The following LUZP2 variants were observed in gnomAD, a reference collection of about 807,000 sequenced individuals.
LUZP2 encodes leucine zipper protein 2.
In LUZP2, 52 loss-of-function variants were observed where a neutral mutation model predicts 51.6. That is an observed-to-expected ratio of 1.01 (90% CI 0.81 to 1.27). The LOEUF (loss-of-function observed/expected upper bound fraction) is 1.27, where lower values mean the gene tolerates loss of function less well. Among genes scored for constraint, LUZP2 ranks in the 50% most tolerant of loss-of-function variants. The pLI is 0.00. For missense variants in LUZP2, 436 were observed against 395.4 expected (o/e 1.10, Z -0.87); for synonymous variants, 154 against 137.3 (o/e 1.12, Z -0.85).
At chr11:24,561,527 A>G (rs1354079648) in intron 1 of LUZP2, among the ~76,000 whole-genome samples, 1 of 152,150 alleles carries the variant, frequency 6.6e-6, no homozygotes, top group Non-Finnish European at 1.5e-5. Context: ...ACATGGATAA[A>G]GCTGGAAACC....
At chr11:24,687,931 C>G (rs1012060736) in intron 1 of LUZP2, among the ~76,000 whole-genome samples, 1 of 152,098 alleles carries the variant, frequency 6.6e-6, no homozygotes, top group Non-Finnish European at 1.5e-5. Context: ...CACAGCACCC[C>G]CTTAGTTTCC....
chr11:24,997,142 G>A (rs1191504964), intron 9 of LUZP2, among the ~76,000 whole-genome samples: 1 of 150,190 alleles, frequency 6.7e-6, no homozygotes, highest in African/African-American at 2.4e-5. Context: ...CCAGTAATGG[G>A]ATGGCTGGGT....
chr11:24,498,022 T>A (rs965588839), intron 1 of LUZP2, among the ~76,000 whole-genome samples: 1 of 152,134 alleles, frequency 6.6e-6, no homozygotes, highest in Non-Finnish European at 1.5e-5. Context: ...GAGGAGCTAT[T>A]TTTGGTGGAG....
chr11:24,786,114 C>A, intron 5 of LUZP2: 2 of 985,182 alleles, frequency 2.0e-6, no homozygotes, highest in East Asian at 2.3e-4. Context: ...TTAATTTAGG[C>A]CCTCACAAAT....
At chr11:24,918,951 CATA>C (rs1853908456) in intron 7 of LUZP2, among the ~76,000 whole-genome samples, 1 of 10,734 alleles carries the variant, frequency 9.3e-5, no homozygotes, top group Non-Finnish European at 8.9e-4. Flanking sequence ...ACTATATATC[CATA>C]ATATGTATTA....
At chr11:24,605,596 C>T (rs187843793) in intron 1 of LUZP2, among the ~76,000 whole-genome samples, 1,718 of 151,598 alleles carry the variant, frequency 0.011, 20 homozygotes, top group Non-Finnish European at 0.017. Flanking sequence ...AATTTTCTTA[C>T]GGTATTTTTC....
intron 1 of LUZP2, among the ~76,000 whole-genome samples, chr11:24,616,926 A>G (rs375526599): frequency 1.3e-5 from 2 of 152,214 alleles, no homozygotes; most frequent in Admixed American, 1.3e-4. Flanking sequence ...ACAGCATGGT[A>G]AATCTTGGTA....
chr11:25,058,121 T>C (rs1025798503), intron 10 of LUZP2, among the ~76,000 whole-genome samples: 2 of 152,164 alleles, frequency 1.3e-5, no homozygotes, highest in African/African-American at 2.4e-5. Context: ...TCTGAAGAGG[T>C]TGGCTTCATT....
chr11:24,741,984 T>A (rs35187842), intron 4 of LUZP2, among the ~76,000 whole-genome samples: 121 of 81,744 alleles, frequency 1.5e-3, no homozygotes, highest in South Asian at 4.4e-3. Context: ...ATTTATATAT[T>A]ATATATAAAT....
Position 24,612,786 on chromosome 11 carries a change from A to C in LUZP2, c.62+115481A>C, listed in dbSNP as rs1713213977. Among the ~76,000 whole-genome samples the C allele has an allele frequency of 2.0e-5, 3 of 152,124 alleles. No individual in the cohort carries two copies. The South Asian group carries it at 6.2e-4, about 31-fold the overall frequency. On this transcript the variant is annotated intron_variant, in intron 1 of 11. Coordinates refer to ENST00000336930, the MANE Select transcript of LUZP2 (RefSeq NM_001009909.4). The stretch of plus-strand genomic sequence containing the variant: ...TTTCTCTGTGCAGACAGATTATAAG[A>C]GACATTTTAAGTCATATTCTTGTAA...
At chr11:24,667,578 G>T (rs1482415023) in intron 1 of LUZP2, among the ~76,000 whole-genome samples, 1 of 152,154 alleles carries the variant, frequency 6.6e-6, no homozygotes, top group East Asian at 1.9e-4. Context: ...GGAGCTGAGT[G>T]GGGAGAAAGC....
intron 1 of LUZP2, among the ~76,000 whole-genome samples, chr11:24,542,527 A>G (rs566841776): frequency 3.4e-5 from 5 of 148,994 alleles, no homozygotes; most frequent in African/African-American, 1.2e-4. Flanking sequence ...CCAGTGTGTG[A>G]AAAAAAAAAG....
At chr11:24,862,355 T>A (rs1050524543) in intron 5 of LUZP2, among the ~76,000 whole-genome samples, 2 of 152,156 alleles carry the variant, frequency 1.3e-5, no homozygotes, top group Non-Finnish European at 2.9e-5. Flanking sequence ...TGCTGAGGTA[T>A]TTCATTACCA....
At chr11:24,946,475 C>T (rs1265367112) in intron 7 of LUZP2, among the ~76,000 whole-genome samples, 1 of 151,478 alleles carries the variant, frequency 6.6e-6, no homozygotes, top group Non-Finnish European at 1.5e-5. Flanking sequence ...ATTTTTAATT[C>T]CTTTTAATTA....
chr11:24,812,483 G>A (rs1490321143), intron 5 of LUZP2, among the ~76,000 whole-genome samples: 1 of 152,138 alleles, frequency 6.6e-6, no homozygotes, highest in Admixed American at 6.5e-5. Context: ...ATAAAGAACT[G>A]ATTCTAGACT....
intron 5 of LUZP2, among the ~76,000 whole-genome samples, chr11:24,774,502 T>TATATCTGTAGAG (rs1425239619): frequency 1.4e-3 from 144 of 104,936 alleles, no homozygotes; most frequent in African/African-American, 3.3e-3. Context: ...AGAATATATA[T>TATATCTGTAGAG]AGAATATATT....
intron 5 of LUZP2, among the ~76,000 whole-genome samples, chr11:24,820,892 T>C (rs1010519564): frequency 1.3e-5 from 2 of 152,152 alleles, no homozygotes; most frequent in African/African-American, 4.8e-5. Context: ...AGAGAGACTT[T>C]TTTGATGTTC....
intron 1 of LUZP2, among the ~76,000 whole-genome samples, chr11:24,580,065 G>T (rs564488855): frequency 1.8e-4 from 27 of 152,132 alleles, no homozygotes; most frequent in Non-Finnish European, 3.8e-4. Flanking sequence ...GTTTTTTTAT[G>T]ATTCTTAAAA....
At chr11:24,696,973 G>C (rs1228884323) in intron 1 of LUZP2, among the ~76,000 whole-genome samples, 1 of 151,974 alleles carries the variant, frequency 6.6e-6, no homozygotes, top group Non-Finnish European at 1.5e-5. Flanking sequence ...AGAAAAACCT[G>C]TTACCTTGGG....
Sources: allele counts gnomAD v4.1 joint callset (sites outside exome capture counted in the v4.1 genomes callset), GRCh38; gene constraint gnomAD v4.1.1; transcripts MANE v1.5; gene names NCBI Gene and HGNC (gene_info 2026-07-23, HGNC 2026-07-21).